AIM2: variants seen among roughly 807,000 people sequenced by gnomAD.
AIM2 encodes the protein absent in melanoma 2, also known as interferon-inducible protein AIM2.
Under a neutral mutation model 27.7 loss-of-function variants are expected in AIM2, and 30 were observed. The observed-to-expected ratio is 1.08, with a 90% CI of 0.81 to 1.47. The LOEUF is 1.47. Among genes scored for constraint, AIM2 ranks in the 40% most tolerant of loss-of-function variants. The probability of loss-of-function intolerance (pLI) is 0.00; values close to 1 mark genes in which losing one functional copy is unlikely to be tolerated. For synonymous variants in AIM2, 141 were observed against 145.3 expected, an observed-to-expected ratio of 0.97 and a Z score of 0.21; for missense variants, 358 against 411.3, an observed-to-expected ratio of 0.87 and a Z score of 1.12.
chr1:159,075,858 G>A (rs1172555772), intron 1 of AIM2, among the ~76,000 whole-genome samples: 1 of 152,146 alleles, frequency 6.6e-6, no homozygotes, highest in Non-Finnish European at 1.5e-5. Context: ...TTTATGAGCT[G>A]AAAATAACTG....
At chr1:159,065,402 T>C (rs999251725) in intron 4 of AIM2, among the ~76,000 whole-genome samples, 1 of 152,174 alleles carries the variant, frequency 6.6e-6, no homozygotes, top group East Asian at 1.9e-4. Flanking sequence ...ATTTTTGACA[T>C]TAAAGTTTAC....
In AIM2 at chr1:159,065,952, C is replaced by T; in HGVS notation, c.774G>A (p.Gln258=). 6.2e-7 allele frequency: 1 copy of T among 1,613,860 alleles called. No homozygotes were observed. The highest frequency in any genetic ancestry group is 8.5e-7 in the Non-Finnish European group (1 of 1,179,910). ...AACCATTCACAATTGTTCCAAGGGG[C>T]TGAGTTTGAAGCGTGTTGATCTTCG... ...ETPKINTLQT[Q]PLGTIVNGLF... Residue 258 remains glutamine, a synonymous_variant, in exon 4 of 6, where the codon CAG becomes CAA. Coordinates refer to ENST00000368130, the MANE Select transcript of AIM2 (RefSeq NM_004833.3).
At chr1:159,111,493 G>C (rs1271098131) in intron 1 of AIM2, among the ~76,000 whole-genome samples, 2 of 152,022 alleles carry the variant, frequency 1.3e-5, no homozygotes, top group Non-Finnish European at 2.9e-5. Flanking sequence ...AAGAGAACTT[G>C]CTCCTAAACA....
chr1:159,145,714 C>A (rs545914431), intron 1 of AIM2, among the ~76,000 whole-genome samples: 50 of 152,138 alleles, frequency 3.3e-4, no homozygotes, highest in Admixed American at 2.6e-3. Context: ...AGGTCAACTC[C>A]CTAAGGGAGT....
At chr1:159,095,478 C>G (rs1042280960) in intron 1 of AIM2, among the ~76,000 whole-genome samples, 1 of 152,142 alleles carries the variant, frequency 6.6e-6, no homozygotes, top group Non-Finnish European at 1.5e-5. Flanking sequence ...ATCTGCCACC[C>G]GGGCCTACAG....
At chr1:159,089,692 C>T (rs534940549) in intron 1 of AIM2, among the ~76,000 whole-genome samples, 1 of 152,234 alleles carries the variant, frequency 6.6e-6, no homozygotes, top group East Asian at 1.9e-4. Context: ...CCAGTCAAAA[C>T]AAAAATGGCC....
intron 1 of AIM2, among the ~76,000 whole-genome samples, chr1:159,096,393 C>A (rs890932890): frequency 1.3e-5 from 2 of 151,806 alleles, no homozygotes; most frequent in African/African-American, 2.4e-5. Flanking sequence ...GTGTGAATCA[C>A]CTAGCACAAT....
At chr1:159,089,269 G>C (rs562290915) in intron 1 of AIM2, among the ~76,000 whole-genome samples, 2 of 152,308 alleles carry the variant, frequency 1.3e-5, no homozygotes, top group East Asian at 3.9e-4. Context: ...TGAGAAAATA[G>C]AGGCTTAGCG....
downstream of AIM2, among the ~76,000 whole-genome samples, chr1:159,060,086 T>C (rs887457492): frequency 1.3e-5 from 2 of 152,236 alleles, no homozygotes; most frequent in Non-Finnish European, 2.9e-5. Context: ...GCCGACATTT[T>C]AGGTTAAATA....
chr1:159,105,894 C>A (rs1055673009), intron 1 of AIM2, among the ~76,000 whole-genome samples: 1 of 152,136 alleles, frequency 6.6e-6, no homozygotes, highest in African/African-American at 2.4e-5. Flanking sequence ...GACAGCCTGG[C>A]CCCCATGCTT....
Position 159,068,663 on chromosome 1 carries a change from G to C in AIM2, c.301C>G (p.Leu101Val). The C allele has an allele frequency of 6.2e-7, 1 of 1,613,752 alleles. No individual in the cohort carries two copies. The highest frequency in any genetic ancestry group is 8.5e-7 in the Non-Finnish European group (1 of 1,179,840). Residue 101 changes from leucine to valine, a missense_variant, in exon 3 of 6, where the codon CTA (leucine) becomes GTA (valine). Physicochemically the swap from Leu to Val is conservative, Grantham distance 32. Transcript: ENST00000368130. Reference protein sequence around the residue: ...QYKSVTKPKPLSQAEMSPAAS... With the variant: ...QYKSVTKPKPVSQAEMSPAAS... ...GCAGGACTCATTTCAGCTTGACTTA[G>C]TGGCTTTGGTTTTGTTACCGATTTG...
At chr1:159,091,232 A>AT (rs1657034320) in intron 1 of AIM2, among the ~76,000 whole-genome samples, 1 of 152,250 alleles carries the variant, frequency 6.6e-6, no homozygotes, top group Non-Finnish European at 1.5e-5. Context: ...TAAAGGTTAC[A>AT]TTTTTTATAT....
chr1:159,074,906 T>C (rs1284828393), intron 1 of AIM2, among the ~76,000 whole-genome samples: 1 of 152,144 alleles, frequency 6.6e-6, no homozygotes, highest in African/African-American at 2.4e-5. Flanking sequence ...AATTAATCTA[T>C]AAACTCCTAT....
At chr1:159,063,370 T>G in intron 5 of AIM2, 116 bp downstream of exon 5, 1 of 978,204 alleles carries the variant, frequency 1.0e-6, no homozygotes, top group Non-Finnish European at 1.5e-6. Context: ...GAACGTGTAC[T>G]AAATATCAAT....
At chr1:159,078,426 A>C (rs537402010), upstream of AIM2, among the ~76,000 whole-genome samples, 2 of 152,348 alleles carry the variant, frequency 1.3e-5, no homozygotes, top group East Asian at 3.9e-4. Flanking sequence ...ACAATATGTA[A>C]GAATTAAAAA....
chr1:159,065,384 C>A (rs116356612), intron 4 of AIM2, among the ~76,000 whole-genome samples: 5,355 of 152,222 alleles, frequency 0.035, 107 homozygotes, highest in Non-Finnish European at 0.046. Context: ...TGTCTTCCCC[C>A]AGTTTGCATT....
upstream of AIM2, among the ~76,000 whole-genome samples, chr1:159,141,995 G>A (rs1039628129): frequency 6.6e-6 from 1 of 152,056 alleles, no homozygotes; most frequent in Admixed American, 6.5e-5. Flanking sequence ...AAAATCTCTC[G>A]ATTCTCATGC....
chr1:159,142,750 C>T (rs1300808083), upstream of AIM2, among the ~76,000 whole-genome samples: 2 of 152,134 alleles, frequency 1.3e-5, no homozygotes, highest in Non-Finnish European at 2.9e-5. Flanking sequence ...TCCATAATCA[C>T]CGTTGTTTAT....
chr1:159,078,829 C>T (rs1027504316), upstream of AIM2, among the ~76,000 whole-genome samples: 5 of 152,172 alleles, frequency 3.3e-5, no homozygotes, highest in African/African-American at 1.2e-4. Flanking sequence ...AAGGTTTATG[C>T]CATAAGCAGA....
Sources: allele counts gnomAD v4.1 joint callset (sites outside exome capture counted in the v4.1 genomes callset), GRCh38; gene constraint gnomAD v4.1.1; transcripts MANE v1.5; gene names NCBI Gene and HGNC (gene_info 2026-07-23, HGNC 2026-07-21).